The following SOX5 variants were observed in gnomAD, a reference collection of about 807,000 sequenced individuals.
The protein encoded by SOX5 is SRY-box transcription factor 5.
A neutral mutation model predicts 92.0 loss-of-function variants in SOX5; 9 were observed. The ratio of observed to expected loss-of-function variants is 0.10; its 90% CI spans 0.06 to 0.17. The LOEUF is 0.17. Among genes scored for constraint, SOX5 ranks in the 10% least tolerant of loss-of-function variants. SOX5 has a pLI of 1.00. For synonymous variants in SOX5, 344 were observed against 336.3 expected, an observed-to-expected ratio of 1.02 and a Z score of -0.25; for missense variants, 642 against 944.5, an observed-to-expected ratio of 0.68 and a Z score of 4.20.
At position 24,365,197 on chromosome 12, in the gene SOX5, T is replaced by C. The variant is rs181058234; in HGVS notation, c.-174+3366A>G. Among the ~76,000 whole-genome samples the C allele has an allele frequency of 1.2e-3, 181 of 152,292 alleles. 1 individual carries two copies. Among genetic ancestry groups the C allele is most frequent in the African/African-American group, 4.2e-3 (174 of 41,576 alleles). On this transcript the variant is annotated intron_variant, in intron 2 of 4. Coordinates refer to the SOX5 transcript ENST00000446891. ...ACGTCTTTATTTAACATATTTATTC[T>C]TCAAAAATATCTGGTAAACAAGGAA...
intron 3 of SOX5, among the ~76,000 whole-genome samples, chr12:23,796,897 ATATATATATT>A (rs913582304): frequency 2.3e-5 from 3 of 128,334 alleles, no homozygotes; most frequent in African/African-American, 8.6e-5. Flanking sequence ...ATAAATATTT[ATATATATATT>A]TATATATATA....
At chr12:23,685,571 C>T (rs765644925) in intron 6 of SOX5, among the ~76,000 whole-genome samples, 5 of 151,996 alleles carry the variant, frequency 3.3e-5, no homozygotes, top group Non-Finnish European at 7.4e-5. Context: ...GTATGTTAGT[C>T]TAGTAAGAAC....
intron 9 of SOX5, 43 bp downstream of exon 9, chr12:23,604,344 A>C: frequency 6.2e-7 from 1 of 1,606,782 alleles, no homozygotes; most frequent in African/African-American, 1.3e-5. Flanking sequence ...TTGAATGAAA[A>C]ATAAAGCTAA....
chr12:24,429,360 A>C (rs573926608), intron 1 of SOX5, among the ~76,000 whole-genome samples: 6 of 151,892 alleles, frequency 4.0e-5, no homozygotes, highest in African/African-American at 7.2e-5. Flanking sequence ...ACAACAACAA[A>C]AAAAAGGTGT....
chr12:23,917,865 C>T (rs1240686561), intron 1 of SOX5, among the ~76,000 whole-genome samples: 1 of 152,028 alleles, frequency 6.6e-6, no homozygotes, highest in African/African-American at 2.4e-5. Context: ...TTTAAAAGTA[C>T]AACATGTTGG....
chr12:24,120,057 G>A (rs1948456247), intron 4 of SOX5, among the ~76,000 whole-genome samples: 1 of 152,096 alleles, frequency 6.6e-6, no homozygotes, highest in African/African-American at 2.4e-5. Flanking sequence ...CACTATTTAT[G>A]CATTCTGTAT....
At chr12:23,654,740 T>C (rs2082101731) in intron 7 of SOX5, among the ~76,000 whole-genome samples, 1 of 152,098 alleles carries the variant, frequency 6.6e-6, no homozygotes, top group African/African-American at 2.4e-5. Context: ...GCTAGAATAG[T>C]ATAATATGAC....
At chr12:24,141,727 A>T (rs981701443) in intron 4 of SOX5, among the ~76,000 whole-genome samples, 1 of 152,232 alleles carries the variant, frequency 6.6e-6, no homozygotes, top group African/African-American at 2.4e-5. Context: ...AAGTACATCA[A>T]TGTGCCTTTA....
intron 2 of SOX5, among the ~76,000 whole-genome samples, chr12:23,847,441 A>G (rs2096587360): frequency 6.6e-6 from 1 of 152,192 alleles, no homozygotes; most frequent in African/African-American, 2.4e-5. Context: ...TTGATACTCA[A>G]TATTTTTAAG....
At chr12:23,785,349 T>C (rs2095360266) in intron 3 of SOX5, among the ~76,000 whole-genome samples, 2 of 152,192 alleles carry the variant, frequency 1.3e-5, no homozygotes, top group African/African-American at 2.4e-5. Flanking sequence ...TGGTTTGTTG[T>C]TATAGGATTA....
intron 4 of SOX5, among the ~76,000 whole-genome samples, chr12:24,120,824 T>C (rs1015012006): frequency 6.6e-6 from 1 of 152,212 alleles, no homozygotes; most frequent in Admixed American, 6.5e-5. Context: ...TCCACCGTTT[T>C]TGGATAAACG....
At chr12:24,080,580 G>A (rs953594739) in intron 4 of SOX5, among the ~76,000 whole-genome samples, 1 of 151,948 alleles carries the variant, frequency 6.6e-6, no homozygotes, top group African/African-American at 2.4e-5. Flanking sequence ...TCTATTGTCT[G>A]TCTATTTACT....
intron 1 of SOX5, among the ~76,000 whole-genome samples, chr12:23,911,232 A>C (rs1222350189): frequency 2.0e-5 from 3 of 152,066 alleles, no homozygotes; most frequent in Non-Finnish European, 4.4e-5. Flanking sequence ...ACTTTCCAGA[A>C]ATACATGTGG....
intron 1 of SOX5, among the ~76,000 whole-genome samples, chr12:24,512,527 T>C (rs1185408439): frequency 6.6e-6 from 1 of 152,240 alleles, no homozygotes; most frequent in Non-Finnish European, 1.5e-5. Context: ...TATGCTCCTT[T>C]TTCCCTCTGT....
At chr12:24,506,039 C>T (rs796134057) in intron 1 of SOX5, among the ~76,000 whole-genome samples, 3 of 152,232 alleles carry the variant, frequency 2.0e-5, no homozygotes, top group African/African-American at 7.2e-5. Context: ...AACTTTTCCT[C>T]ATGATATACT....
At chr12:24,409,852 T>C (rs912901013) in intron 1 of SOX5, among the ~76,000 whole-genome samples, 1 of 152,204 alleles carries the variant, frequency 6.6e-6, no homozygotes, top group African/African-American at 2.4e-5. Context: ...GGATTTCTCT[T>C]TTTTACTATA....
intron 1 of SOX5, among the ~76,000 whole-genome samples, chr12:24,508,652 T>C (rs1949025877): frequency 6.6e-6 from 1 of 152,148 alleles, no homozygotes; most frequent in African/African-American, 2.4e-5. Context: ...GATGGAATCA[T>C]TCACGCTGTG....
intron 2 of SOX5, among the ~76,000 whole-genome samples, chr12:23,874,344 G>C (rs960384979): frequency 2.5e-4 from 38 of 152,134 alleles, no homozygotes; most frequent in African/African-American, 9.2e-4. Context: ...TTTGTCCTTG[G>C]GTAGTTACTG....
At chr12:24,222,456 C>T (rs1960703065) in intron 3 of SOX5, among the ~76,000 whole-genome samples, 1 of 151,940 alleles carries the variant, frequency 6.6e-6, no homozygotes, top group South Asian at 2.1e-4. Flanking sequence ...AAGGATGACT[C>T]CTACATGCTT....
Sources: allele counts gnomAD v4.1 joint callset (sites outside exome capture counted in the v4.1 genomes callset), GRCh38; gene constraint gnomAD v4.1.1; transcripts MANE v1.5; gene names NCBI Gene and HGNC (gene_info 2026-07-23, HGNC 2026-07-21).